TRPC1: variants seen among roughly 807,000 people sequenced by gnomAD.
TRPC1 encodes short transient receptor potential channel 1.
In TRPC1, 42 loss-of-function variants were observed where a neutral mutation model predicts 88.2. The ratio of observed to expected loss-of-function variants is 0.48; its 90% CI spans 0.37 to 0.62. TRPC1 has a LOEUF of 0.62. TRPC1 is among the 20% of genes least tolerant of loss of function. TRPC1 has a pLI of 0.00. For synonymous variants in TRPC1, 288 were observed against 331.8 expected, an observed-to-expected ratio of 0.87 and a Z score of 1.43; for missense variants, 699 against 957.3, an observed-to-expected ratio of 0.73 and a Z score of 3.56.
At chr3:142,786,343 C>T (rs1236646869) in intron 7 of TRPC1, among the ~76,000 whole-genome samples, 1 of 152,032 alleles carries the variant, frequency 6.6e-6, no homozygotes, top group Non-Finnish European at 1.5e-5. Context: ...AGCTCTTTAG[C>T]TATACAAATA....
chr3:142,769,079 A>G lies in TRPC1; in HGVS notation c.633-8553A>G, dbSNP rs118019586. Among the ~76,000 whole-genome samples the G allele has an allele frequency of 9.7e-3, 1,478 of 152,186 alleles. 37 individuals carry two copies. The highest frequency in any genetic ancestry group is 0.09 in the East Asian group (464 of 5,180). On this transcript the variant is annotated intron_variant, in intron 4 of 12. Transcript: ENST00000476941. ...GCATTCTCAGTATGGCAAGTCTACT[A>G]TCTGAAAATTCTGTTAGTATTTATC...
intron 9 of TRPC1, chr3:142,801,383 G>A (rs534971350): frequency 6.6e-6 from 1 of 152,192 alleles, no homozygotes; most frequent in Admixed American, 6.5e-5. Context: ...GCATCTTTGT[G>A]TACTTCCTAT....
intron 1 of TRPC1, among the ~76,000 whole-genome samples, chr3:142,726,525 A>G (rs1933675352): frequency 6.6e-6 from 1 of 152,154 alleles, no homozygotes; most frequent in African/African-American, 2.4e-5. Flanking sequence ...TTCCCCATAT[A>G]TAAATTAGAA....
At chr3:142,757,848 T>G (rs923521757) in intron 4 of TRPC1, among the ~76,000 whole-genome samples, 31 of 152,298 alleles carry the variant, frequency 2.0e-4, no homozygotes, top group African/African-American at 7.5e-4. Context: ...ACATAGTACA[T>G]ATATGTATTT....
chr3:142,786,835 TAAGA>T (rs1936149031), intron 7 of TRPC1, among the ~76,000 whole-genome samples: 1 of 152,204 alleles, frequency 6.6e-6, no homozygotes, highest in African/African-American at 2.4e-5. Context: ...TGTTTAGTAG[TAAGA>T]AAGAATATTT....
intron 3 of TRPC1, 105 bp from the exon 4 acceptor site, chr3:142,748,153 C>A: frequency 9.4e-7 from 1 of 1,068,648 alleles, no homozygotes. Flanking sequence ...TTAAATAATT[C>A]TTAAGTTCTT....
rs1249206940 is a variant in TRPC1, at chr3:142,767,877, ATCTG to A, written c.633-9754_633-9751del. On this transcript the variant is annotated intron_variant, in intron 4 of 12. Transcript: ENST00000476941. This position sits in a 1 kb window ranked among gnomAD's most constrained non-coding sequence, Gnocchi z 5.1. ...TTGTTTTCTTAGTTTTTAATTGGTT[ATCTG>A]ATTTTTTTATTGATGAATTGTGTGT... 2.1e-4 allele frequency among the ~76,000 whole-genome samples: 32 copies of A among 151,032 alleles called. No homozygotes were observed. The highest frequency in any genetic ancestry group is 7.5e-4 in the African/African-American group (31 of 41,236).
At chr3:142,794,024 T>A in intron 9 of TRPC1, 1 of 510,480 alleles carries the variant, frequency 2.0e-6, no homozygotes, top group Non-Finnish European at 2.5e-6. Flanking sequence ...GTTATCACAT[T>A]AAAGCCTCTG....
chr3:142,781,895 T>A (rs1935968003), intron 6 of TRPC1, among the ~76,000 whole-genome samples: 1 of 152,138 alleles, frequency 6.6e-6, no homozygotes, highest in African/African-American at 2.4e-5. Flanking sequence ...TATATAATGA[T>A]AGAAGGCCAG....
At chr3:142,764,866 C>T (rs1265938759) in intron 4 of TRPC1, among the ~76,000 whole-genome samples, 2 of 152,154 alleles carry the variant, frequency 1.3e-5, no homozygotes, top group Non-Finnish European at 2.9e-5. Flanking sequence ...TCTTGCTCTG[C>T]TCCCTCTTAA....
chr3:142,794,763 A>T (rs569552695), intron 9 of TRPC1, among the ~76,000 whole-genome samples: 1 of 152,266 alleles, frequency 6.6e-6, no homozygotes, highest in South Asian at 2.1e-4. Context: ...ACGGGATTAG[A>T]AGAATACTCA....
chr3:142,777,824 C>A, intron 5 of TRPC1, 61 bp downstream of exon 5: 1 of 1,482,360 alleles, frequency 6.7e-7, no homozygotes, highest in East Asian at 2.4e-5. Context: ...TCAGTTTCTT[C>A]ATTACCCAAA....
chr3:142,798,653 G>A (rs1354312603), intron 9 of TRPC1, among the ~76,000 whole-genome samples: 1 of 152,172 alleles, frequency 6.6e-6, no homozygotes, highest in Non-Finnish European at 1.5e-5. Flanking sequence ...TTGGGGAGAT[G>A]AGGCTAAAAA....
At chr3:142,782,820 G>T (rs906597918) in intron 6 of TRPC1, among the ~76,000 whole-genome samples, 3 of 152,182 alleles carry the variant, frequency 2.0e-5, no homozygotes, top group African/African-American at 7.2e-5. Context: ...GCCTCTGCGG[G>T]CTGGCTGGGG....
rs756070223 is a variant in TRPC1 at position 142,736,474 on chromosome 3, A to G, written c.268A>G (p.Ile90Val). 30 of 1,612,522 alleles carry G rather than the reference A, an allele frequency of 1.9e-5. No homozygotes were observed. The highest frequency in any genetic ancestry group is 2.5e-5 in the Non-Finnish European group (29 of 1,179,492). ...VDVLGRNAVT[I>V]TIENENLDIL... The stretch of plus-strand genomic sequence containing the variant: ...TGTGCTTGGGAGAAATGCTGTTACC[A>G]TAACTATTGAAAACGAAAACTTGGA... The change falls in exon 2 of 13, where the codon ATA (isoleucine) becomes GTA (valine). Residue 90 changes from isoleucine to valine, a missense_variant. Around this residue, in one of 4 missense-constraint regions of TRPC1, gnomAD observed 157 missense variants for 127.0 expected, o/e 1.24. Transcript: ENST00000476941.
chr3:142,761,460 A>T (rs1319550396), intron 4 of TRPC1, among the ~76,000 whole-genome samples: 2 of 152,144 alleles, frequency 1.3e-5, no homozygotes, highest in African/African-American at 2.4e-5. Context: ...TGTGTTGTTG[A>T]ATTCAGTTTG....
Position 142,803,986 on chromosome 3 carries a change from C to T in TRPC1, c.1767C>T (p.Gly589=), listed in dbSNP as rs1936699330. Residue 589 remains glycine (G), a synonymous_variant, in exon 11 of 13, where the codon GGC becomes GGT. Coordinates refer to ENST00000476941, the MANE Select transcript of TRPC1 (RefSeq NM_001251845.2). ...QSNDTFHSFI[G]TCFALFWYIF... is the part of the protein sequence containing the mutation. ...GCAATTGTCTTTACAGGTTCATTGG[C>T]ACCTGCTTTGCTTTGTTCTGGTATA... The T allele has an allele frequency of 2.5e-6, 4 of 1,613,402 alleles. No homozygotes were observed. The highest frequency in any genetic ancestry group is 1.7e-4 in the Middle Eastern group (1 of 6,054).
At chr3:142,734,530 CTT>C (rs564771813) in intron 1 of TRPC1, among the ~76,000 whole-genome samples, 1 of 152,052 alleles carries the variant, frequency 6.6e-6, no homozygotes, top group Non-Finnish European at 1.5e-5. Flanking sequence ...GAAGGTCTAA[CTT>C]AATGTCTAAT....
intron 1 of TRPC1, among the ~76,000 whole-genome samples, chr3:142,733,149 A>T (rs761786401): frequency 2.9e-4 from 44 of 152,070 alleles, no homozygotes; most frequent in Non-Finnish European, 5.9e-4. Flanking sequence ...AAAATTATTT[A>T]TTTGGTTTTG....
Sources: allele counts gnomAD v4.1 joint callset (sites outside exome capture counted in the v4.1 genomes callset), GRCh38; gene constraint gnomAD v4.1.1; regional missense constraint gnomAD v4.1.1; non-coding constraint Gnocchi (gnomAD v3.1); transcripts MANE v1.5; gene names NCBI Gene and HGNC (gene_info 2026-07-23, HGNC 2026-07-21).